Variants in TPX2 observed in about 807,000 individuals in gnomAD.
The protein encoded by TPX2 is TPX2 microtubule nucleation factor.
A neutral mutation model predicts 93.6 loss-of-function variants in TPX2; 21 were observed. The ratio of observed to expected loss-of-function variants is 0.22; its 90% CI spans 0.16 to 0.32. The LOEUF is 0.32. Ranked by LOEUF, TPX2 falls within the 10% of genes least tolerant of loss-of-function variation. The pLI, the probability that TPX2 is intolerant of heterozygous loss-of-function variation, is 1.00. For synonymous variants in TPX2, 281 were observed against 298.3 expected, an observed-to-expected ratio of 0.94 and a Z score of 0.60; for missense variants, 776 against 871.1, an observed-to-expected ratio of 0.89 and a Z score of 1.37.
At chr20:31,796,594 C>G (rs1421035526) in intron 15 of TPX2, among the ~76,000 whole-genome samples, 2 of 152,086 alleles carry the variant, frequency 1.3e-5, no homozygotes, top group Non-Finnish European at 2.9e-5. Flanking sequence ...TTTCCACAAT[C>G]TGGATTTTGC....
chr20:31,774,634 C>T (rs1600378371), intron 7 of TPX2, among the ~76,000 whole-genome samples: 1 of 152,198 alleles, frequency 6.6e-6, no homozygotes, highest in Non-Finnish European at 1.5e-5. Flanking sequence ...ATAGTTTTCT[C>T]AAGATCATTA....
rs1247585835 is a variant in TPX2 at position 31,782,278 on chromosome 20, A to C, written c.1084A>C (p.Lys362Gln). 6.2e-7 allele frequency: 1 copy of C among 1,612,750 alleles called. No homozygotes were observed. The highest frequency in any genetic ancestry group is 1.7e-5 in the Admixed American group (1 of 59,680). ...GTTACCCTCCAAATCTTCTGTGACC[A>C]AGATTTGCAGAGACCCACAGACTCC... is the stretch of plus-strand genomic sequence containing the variant. ...NLLPSKSSVT[K>Q]ICRDPQTPVL... is the part of the protein sequence containing the mutation. The change falls in exon 11 of 18, where the codon AAG becomes CAG. Residue 362 changes from lysine to glutamine, a missense_variant. Physicochemically the swap from Lys to Gln is moderately conservative, Grantham distance 53. This residue lies in a region of TPX2 where 461 missense variants were observed against 551.2 expected (regional missense o/e 0.84). Transcript: ENST00000300403.
intron 1 of TPX2, 122 bp downstream of exon 1, chr20:31,739,743 GT>G (rs146881899): frequency 0.018 from 2,674 of 152,414 alleles, 35 homozygotes; most frequent in Non-Finnish European, 0.025. Flanking sequence ...GCTATTCTTG[GT>G]CCCTCTTGAC....
chr20:31,795,292 C>G (rs536811802), intron 15 of TPX2, among the ~76,000 whole-genome samples: 70 of 152,320 alleles, frequency 4.6e-4, no homozygotes, highest in Non-Finnish European at 7.8e-4. Context: ...TGCCACCACG[C>G]CCAGCTAATT....
chr20:31,775,974 C>G lies in TPX2; in HGVS notation c.716C>G (p.Ala239Gly). 6.7e-7 allele frequency: 1 copy of G among 1,499,108 alleles called. No homozygotes were observed. The highest frequency in any genetic ancestry group is 1.4e-5 in the African/African-American group (1 of 72,048). The allele number at this position is 1,499,108 out of a possible 1,614,324, so 92.9% of individuals were successfully genotyped here. A position where few individuals can be genotyped will look rare whatever the true frequency, so the allele number is the denominator to read the frequency against. Reference sequence around the variant, plus strand: ...AAGAATGAAGAATTCAAGAAACTTGCTCTGGCTGGAATAGGTGAGCTTGGC... The same window carrying G: ...AAGAATGAAGAATTCAAGAAACTTGGTCTGGCTGGAATAGGTGAGCTTGGC... ...RKKNEEFKKL[A>G]LAGIGQPVKK... The change falls in exon 8 of 18, where the codon GCT becomes GGT. Residue 239 changes from alanine to glycine, a missense_variant. Around this residue, in one of 3 missense-constraint regions of TPX2, gnomAD observed 279 missense variants for 261.6 expected, o/e 1.07. Transcript: ENST00000300403.
rs564596867 is a variant in TPX2, at chr20:31,787,618, G to A, written c.1413+3697G>A. 2.0e-5 allele frequency among the ~76,000 whole-genome samples: 3 copies of A among 152,274 alleles called. No individual in the cohort carries two copies. In the South Asian group the frequency reaches 6.2e-4, roughly 32 times the overall value. On this transcript the variant is annotated intron_variant, in intron 12 of 17. Coordinates refer to ENST00000300403, the MANE Select transcript of TPX2 (RefSeq NM_012112.5). The stretch of plus-strand genomic sequence containing the variant: ...CTTCATATTTTAAGGGGAAAGGGTG[G>A]ATAGTGGGGAAAGGGGAAGAGATTT...
intron 12 of TPX2, among the ~76,000 whole-genome samples, chr20:31,787,043 C>T (rs1456635591): frequency 6.6e-6 from 1 of 151,882 alleles, no homozygotes; most frequent in Non-Finnish European, 1.5e-5. Context: ...AGTATGGTGC[C>T]TGACACGCAG....
intron 12 of TPX2, among the ~76,000 whole-genome samples, chr20:31,784,837 C>T (rs767579476): frequency 1.3e-5 from 2 of 152,152 alleles, no homozygotes; most frequent in South Asian, 4.1e-4. Context: ...TGCATAAATG[C>T]GAAAGCGGCT....
rs374843515 is a variant in TPX2 at position 31,746,401 on chromosome 20, T to C, written c.-71+3754T>C. Among the ~76,000 whole-genome samples, 374 of 152,332 alleles carry C rather than the reference T, an allele frequency of 2.5e-3. 2 individuals are homozygous for C. Among genetic ancestry groups the C allele is most frequent in the African/African-American group, 8.5e-3 (353 of 41,588 alleles). ...CTCCACTCTATTTTACTTGTGGTAA[T>C]GTAACAGGATCTCTTATCCCTTGTG... On this transcript the variant is annotated intron_variant, in intron 2 of 17. Transcript: ENST00000300403.
intron 12 of TPX2, among the ~76,000 whole-genome samples, chr20:31,790,459 A>G (rs1445395793): frequency 3.3e-5 from 5 of 152,264 alleles, no homozygotes; most frequent in Non-Finnish European, 7.3e-5. Flanking sequence ...ATCTAGTCTA[A>G]GGTTATTTGG....
intron 12 of TPX2, among the ~76,000 whole-genome samples, chr20:31,788,145 G>A (rs1052852648): frequency 1.3e-5 from 2 of 152,020 alleles, no homozygotes; most frequent in African/African-American, 2.4e-5. Context: ...GGCCAGGCGC[G>A]GTGGCTCACG....
intron 8 of TPX2, among the ~76,000 whole-genome samples, chr20:31,776,492 A>G (rs1433199432): frequency 6.6e-6 from 1 of 151,478 alleles, no homozygotes; most frequent in Non-Finnish European, 1.5e-5. Flanking sequence ...GGTATTTTAC[A>G]TATATTGGTA....
intron 15 of TPX2, 78 bp from the exon 16 acceptor site, chr20:31,797,326 C>A: frequency 1.6e-6 from 2 of 1,282,410 alleles, no homozygotes; most frequent in Non-Finnish European, 2.2e-6. Flanking sequence ...GCAGTTCAGA[C>A]ATTAGAACTT....
chr20:31,776,001 G>A lies in TPX2; in HGVS notation c.730+13G>A, dbSNP rs1298604441. 2.0e-6 allele frequency: 3 copies of A among 1,468,778 alleles called. No homozygotes were observed. The highest frequency in any genetic ancestry group is 2.0e-5 in the Admixed American group (1 of 48,908). 91.0% of individuals were successfully genotyped at this position (1,468,778 alleles called of 1,614,324 possible). A position where few individuals can be genotyped will look rare whatever the true frequency, so the allele number is the denominator to read the frequency against. On this transcript the variant is annotated intron_variant, in intron 8 of 17. Coordinates refer to ENST00000300403, the MANE Select transcript of TPX2 (RefSeq NM_012112.5). The stretch of plus-strand genomic sequence containing the variant: ...CTGGCTGGAATAGGTGAGCTTGGCT[G>A]TGGTTGAGTCTGATTCATGAGGGGT...
rs749093698 is a variant in TPX2 at position 31,792,834 on chromosome 20, AT to A, written c.1509+6del. 117 of 1,613,534 alleles carry A rather than the reference AT, an allele frequency of 7.3e-5. No homozygotes were observed. The highest frequency in any genetic ancestry group is 1.6e-4 in the Middle Eastern group (1 of 6,082). ...AATGCCCACCAAAGAAGATGAGGTGATTCCCTGGGAGTAGGGGGGTTCTTTT... is the reference window on the plus strand; with the variant it reads ...AATGCCCACCAAAGAAGATGAGGTGATCCCTGGGAGTAGGGGGGTTCTTTT... On this transcript the variant is annotated splice_donor_5th_base_variant and intron_variant, in intron 13 of 17. Transcript: ENST00000300403.
At chr20:31,750,962 C>T (rs549792346) in intron 2 of TPX2, among the ~76,000 whole-genome samples, 7 of 152,040 alleles carry the variant, frequency 4.6e-5, no homozygotes, top group Non-Finnish European at 8.8e-5. Context: ...CGTTAGAGTG[C>T]AGTGGTGCAA....
rs2061927681 is a variant in TPX2 at position 31,766,553 on chromosome 20, C to T, written c.230-3C>T. On this transcript the variant is annotated splice_polypyrimidine_tract_variant and splice_region_variant and intron_variant, in intron 4 of 17. Transcript: ENST00000300403. ...GTGCTGACTAGCTTTTGGTCTTCCG[C>T]AGTTGACAACACTTACTACAAAGAG... The T allele has an allele frequency of 6.2e-7, 1 of 1,609,856 alleles. No homozygotes were observed. The highest frequency in any genetic ancestry group is 8.5e-7 in the Non-Finnish European group (1 of 1,178,252).
rs267605874 is a variant in TPX2, at chr20:31,792,807, C to T, written c.1486C>T (p.Arg496Ter). ...SPAFALKNRIRMPTKEDEEED... is the reference protein window; with the variant it reads ...SPAFALKNRI ...AGCCTTTGCATTGAAGAACAGAATT[C>T]GAATGCCCACCAAAGAAGATGAGGT... The change falls in exon 13 of 18, where the codon CGA becomes TGA. Residue 496 changes from arginine to a stop codon, truncating the protein, a stop_gained. Transcript: ENST00000300403. LOFTEE classifies it high-confidence loss of function. 1 of 1,614,134 alleles carries T rather than the reference C, an allele frequency of 6.2e-7. No individual in the cohort carries two copies. The highest frequency in any genetic ancestry group is 8.5e-7 in the Non-Finnish European group (1 of 1,180,006).
intron 2 of TPX2, among the ~76,000 whole-genome samples, chr20:31,753,352 TA>T (rs1465880105): frequency 2.0e-5 from 3 of 152,188 alleles, no homozygotes; most frequent in African/African-American, 7.2e-5. Flanking sequence ...CTTCAGCTTC[TA>T]GGTTGGGAAT....
Sources: allele counts gnomAD v4.1 joint callset (sites outside exome capture counted in the v4.1 genomes callset), GRCh38; gene constraint gnomAD v4.1.1; regional missense constraint gnomAD v4.1.1; transcripts MANE v1.5; gene names NCBI Gene and HGNC (gene_info 2026-07-23, HGNC 2026-07-21).